Variants in HMGA2 observed in about 807,000 individuals in gnomAD.
The protein encoded by HMGA2 is high mobility group AT-hook 2, also known as high mobility group protein HMGI-C.
A neutral mutation model predicts 19.1 loss-of-function variants in HMGA2; 8 were observed. The observed-to-expected ratio is 0.42, with a 90% CI of 0.25 to 0.76. The LOEUF (loss-of-function observed/expected upper bound fraction) is 0.76, where lower values mean the gene tolerates loss of function less well. HMGA2 is among the 30% of genes least tolerant of loss of function. The pLI, the probability that HMGA2 is intolerant of heterozygous loss-of-function variation, is 0.28. For synonymous variants in HMGA2, 60 were observed against 48.8 expected, an observed-to-expected ratio of 1.23 and a Z score of -0.96; for missense variants, 109 against 136.3, an observed-to-expected ratio of 0.80 and a Z score of 1.00.
intron 1 of HMGA2, 75 bp from the exon 2 acceptor site, chr12:65,827,926 T>C: frequency 9.7e-7 from 1 of 1,035,044 alleles, no homozygotes. Context: ...ATGCAGAAAA[T>C]ATAGCTAAAG....
At position 65,927,692 on chromosome 12, in the gene HMGA2, T is replaced by A. The variant is rs142069872; in HGVS notation, c.250-23691T>A. On this transcript the variant is annotated intron_variant, in intron 3 of 4. Coordinates refer to ENST00000403681, the MANE Select transcript of HMGA2 (RefSeq NM_003483.6). ...ACCAGAACCCTGATTTACAGCTAAT[T>A]GTATTTTCGGCTATCCAAATATCTT... Among the ~76,000 whole-genome samples the A allele has an allele frequency of 3.8e-3, 577 of 152,152 alleles. 8 individuals are homozygous for A. Among genetic ancestry groups the A allele is most frequent in the African/African-American group, 0.013 (558 of 41,524 alleles).
intron 2 of HMGA2, among the ~76,000 whole-genome samples, chr12:65,831,582 T>A (rs530979584): frequency 6.6e-5 from 10 of 151,954 alleles, no homozygotes; most frequent in Admixed American, 2.6e-4. Flanking sequence ...AATATCTAGA[T>A]AAAGTAGTTA....
intron 3 of HMGA2, among the ~76,000 whole-genome samples, chr12:65,926,784 A>T (rs752400334): frequency 3.0e-4 from 45 of 152,292 alleles, no homozygotes; most frequent in Non-Finnish European, 5.0e-4. Flanking sequence ...TTGTCACAGG[A>T]AACATTCAGT....
chr12:65,839,566 A>G (rs1446600559), intron 3 of HMGA2, among the ~76,000 whole-genome samples: 1 of 151,642 alleles, frequency 6.6e-6, no homozygotes, highest in Admixed American at 6.6e-5. Context: ...ATACTTTGGT[A>G]TTGCCTTTCT....
Position 65,838,503 on chromosome 12 carries a change from C to G in HMGA2, c.199-16C>G. On this transcript the variant is annotated splice_polypyrimidine_tract_variant and intron_variant, in intron 2 of 4. Transcript: ENST00000403681. ...GTCAGGTAGAAAACTATAATGACTT[C>G]CTTTTTCATTTGCAGAAAGCAGAAG... is the stretch of plus-strand genomic sequence containing the variant. 2 of 1,605,462 alleles carry G rather than the reference C, an allele frequency of 1.2e-6. No individual in the cohort carries two copies. The highest frequency in any genetic ancestry group is 1.7e-6 in the Non-Finnish European group (2 of 1,172,972).
chr12:65,901,187 A>C (rs1229727558), intron 3 of HMGA2, among the ~76,000 whole-genome samples: 2 of 152,242 alleles, frequency 1.3e-5, no homozygotes, highest in African/African-American at 2.4e-5. Context: ...TTGATTATTA[A>C]CTAGACTTTA....
intron 3 of HMGA2, chr12:65,842,146 G>A (rs762794307): frequency 6.2e-6 from 8 of 1,282,744 alleles, no homozygotes; most frequent in Non-Finnish European, 7.1e-6. Context: ...AAGAGCTCAG[G>A]CTCTGGATTC....
At chr12:65,927,859 AT>A (rs1453321938) in intron 3 of HMGA2, among the ~76,000 whole-genome samples, 5 of 122,974 alleles carry the variant, frequency 4.1e-5, no homozygotes, top group African/African-American at 9.4e-5. Flanking sequence ...GTGTATATAT[AT>A]TTTTTATATA....
chr12:65,902,897 C>T (rs1308703137), intron 3 of HMGA2, among the ~76,000 whole-genome samples: 1 of 152,010 alleles, frequency 6.6e-6, no homozygotes, highest in Non-Finnish European at 1.5e-5. Flanking sequence ...TAGTACTTAC[C>T]AGTACTAATT....
chr12:65,942,995 C>A (rs954567892), intron 3 of HMGA2, among the ~76,000 whole-genome samples: 5 of 152,024 alleles, frequency 3.3e-5, no homozygotes, highest in African/African-American at 1.2e-4. Context: ...AGAAAATAGT[C>A]ATCTCTTCTT....
chr12:65,853,793 C>T (rs1478358787), intron 3 of HMGA2, among the ~76,000 whole-genome samples: 4 of 152,178 alleles, frequency 2.6e-5, no homozygotes, highest in Non-Finnish European at 5.9e-5. Context: ...AATTCAGTTG[C>T]TTTTCCCGTC....
chr12:65,848,323 T>C (rs1170306353), intron 3 of HMGA2, among the ~76,000 whole-genome samples: 1 of 152,218 alleles, frequency 6.6e-6, no homozygotes, highest in Non-Finnish European at 1.5e-5. Context: ...TTTAATGGCC[T>C]ATTTGTGTCC....
intron 3 of HMGA2, among the ~76,000 whole-genome samples, chr12:65,933,240 C>A (rs1875778814): frequency 6.6e-6 from 1 of 152,050 alleles, no homozygotes; most frequent in South Asian, 2.1e-4. Context: ...CCAAGAGTAA[C>A]CTGGGGACGA....
intron 3 of HMGA2, among the ~76,000 whole-genome samples, chr12:65,877,873 C>A (rs994401827): frequency 6.6e-6 from 1 of 151,880 alleles, no homozygotes; most frequent in Non-Finnish European, 1.5e-5. Context: ...CAGGTCAGAT[C>A]CTATGTTCCA....
intron 3 of HMGA2, among the ~76,000 whole-genome samples, chr12:65,920,118 C>T (rs1480049307): frequency 3.3e-5 from 5 of 152,086 alleles, no homozygotes; most frequent in African/African-American, 7.2e-5. Flanking sequence ...TTTAAAGAAA[C>T]AAAACCATTT....
intron 3 of HMGA2, chr12:65,851,685 A>G (rs1364454049): frequency 2.3e-6 from 1 of 442,462 alleles, no homozygotes; most frequent in East Asian, 7.4e-5. Flanking sequence ...ACAAAAAATC[A>G]TTAGTTTTAA....
At chr12:65,841,100 C>T (rs542234727) in intron 3 of HMGA2, among the ~76,000 whole-genome samples, 3 of 152,114 alleles carry the variant, frequency 2.0e-5, no homozygotes, top group South Asian at 2.1e-4. Flanking sequence ...CATCCTTAAA[C>T]AGTTGATGAT....
intron 4 of HMGA2, chr12:65,952,450 A>C: frequency 1.3e-6 from 2 of 1,533,702 alleles, no homozygotes; most frequent in Non-Finnish European, 1.7e-6. Context: ...GAAACTTCCA[A>C]ACACATGAAA....
rs79534807 is a variant in HMGA2 at position 65,907,625 on chromosome 12, G to A, written c.250-43758G>A. ...AGTTCTTCATCAATGACAGCGATTT[G>A]AGAATAGGGAACCGAAAGATAGGGT... is the stretch of plus-strand genomic sequence containing the variant. On this transcript the variant is annotated intron_variant, in intron 3 of 4. Transcript: ENST00000403681. 2.0e-3 allele frequency among the ~76,000 whole-genome samples: 312 copies of A among 152,200 alleles called. 4 individuals are homozygous for A. The highest frequency in any genetic ancestry group is 7.1e-3 in the African/African-American group (296 of 41,528).
Sources: allele counts gnomAD v4.1 joint callset (sites outside exome capture counted in the v4.1 genomes callset), GRCh38; gene constraint gnomAD v4.1.1; transcripts MANE v1.5; gene names NCBI Gene and HGNC (gene_info 2026-07-23, HGNC 2026-07-21).